FBXW7: variants seen among roughly 807,000 people sequenced by gnomAD.
FBXW7 encodes the protein F-box and WD repeat domain containing 7, also known as F-box/WD repeat-containing protein 7.
In FBXW7, 11 loss-of-function variants were observed where a neutral mutation model predicts 86.3. The ratio of observed to expected loss-of-function variants is 0.13; its 90% CI spans 0.08 to 0.21. The LOEUF (loss-of-function observed/expected upper bound fraction) is 0.21, where lower values mean the gene tolerates loss of function less well. Among genes scored for constraint, FBXW7 ranks in the 10% least tolerant of loss-of-function variants. The probability of loss-of-function intolerance (pLI) is 1.00; values close to 1 mark genes in which losing one functional copy is unlikely to be tolerated. For synonymous variants in FBXW7, 313 were observed against 297.9 expected, an observed-to-expected ratio of 1.05 and a Z score of -0.52; for missense variants, 488 against 847.4, an observed-to-expected ratio of 0.58 and a Z score of 5.27.
At chr4:152,410,821 TATTC>T (rs973067888) in intron 4 of FBXW7, among the ~76,000 whole-genome samples, 4 of 152,192 alleles carry the variant, frequency 2.6e-5, no homozygotes, top group Non-Finnish European at 5.9e-5. Flanking sequence ...TCTACATGAA[TATTC>T]ATTATTTCTA....
chr4:152,470,713 A>C (rs1743873934), intron 2 of FBXW7, among the ~76,000 whole-genome samples: 1 of 152,152 alleles, frequency 6.6e-6, no homozygotes, highest in Non-Finnish European at 1.5e-5. Context: ...TAGAATAAAA[A>C]GCACTAAATA....
chr4:152,529,067 T>C (rs1002738388), intron 2 of FBXW7, among the ~76,000 whole-genome samples: 2 of 152,048 alleles, frequency 1.3e-5, no homozygotes, highest in African/African-American at 4.8e-5. Flanking sequence ...GTAATGACAA[T>C]TCAGTTACAC....
rs1021976222 is a variant in FBXW7 at position 152,527,489 on chromosome 4, C to T, written c.-120+7452G>A. 5.3e-5 allele frequency among the ~76,000 whole-genome samples: 8 copies of T among 152,272 alleles called. No individual in the cohort carries two copies. In the South Asian group the frequency reaches 1.7e-3, roughly 32 times the overall value. On this transcript the variant is annotated intron_variant, in intron 2 of 13. Transcript: ENST00000281708. ...TGTTAAAAAATACACACACTCTGACCGGGCACTGTGGCCCCAGCCTGTAAT... is the reference window on the plus strand; with the variant it reads ...TGTTAAAAAATACACACACTCTGACTGGGCACTGTGGCCCCAGCCTGTAAT...
chr4:152,387,920 G>A (rs1042314573), intron 4 of FBXW7, among the ~76,000 whole-genome samples: 4 of 151,964 alleles, frequency 2.6e-5, no homozygotes, highest in Admixed American at 6.6e-5. Flanking sequence ...ATGTTGGCCA[G>A]GCTGGTCTCG....
chr4:152,432,988 G>C (rs1306270860), intron 2 of FBXW7, among the ~76,000 whole-genome samples: 3 of 152,036 alleles, frequency 2.0e-5, no homozygotes, highest in Non-Finnish European at 4.4e-5. Flanking sequence ...GACTCATGCT[G>C]CATTACTTTT....
chr4:152,425,068 A>G (rs573996187), intron 2 of FBXW7, among the ~76,000 whole-genome samples: 1 of 152,330 alleles, frequency 6.6e-6, no homozygotes, highest in Non-Finnish European at 1.5e-5. Context: ...CCAGTCAATG[A>G]CTAAATTTTG....
In FBXW7 at chr4:152,364,474, G is replaced by C. The variant is rs544548082; in HGVS notation, c.502-14350C>G. 2.6e-5 allele frequency among the ~76,000 whole-genome samples: 4 copies of C among 152,270 alleles called. No homozygotes were observed. In the South Asian group the frequency reaches 6.2e-4, roughly 24 times the overall value. ...AAAAGTTATGAATCATAATATTTAT[G>C]AAAGAAACTGCTTCAAATGTTCTTT... On this transcript the variant is annotated intron_variant, in intron 4 of 13. Coordinates refer to ENST00000281708, the MANE Select transcript of FBXW7 (RefSeq NM_001349798.2).
chr4:152,346,666 CAGTT>C (rs1391091673), intron 6 of FBXW7: 16 of 401,318 alleles, frequency 4.0e-5, no homozygotes, highest in Non-Finnish European at 7.2e-5. Flanking sequence ...TACCTACTGG[CAGTT>C]AGTCCTTCTC....
At chr4:152,381,075 T>C (rs1735019257) in intron 4 of FBXW7, among the ~76,000 whole-genome samples, 1 of 152,114 alleles carries the variant, frequency 6.6e-6, no homozygotes, top group Non-Finnish European at 1.5e-5. Context: ...ATGTTTAAAC[T>C]GTATTACATT....
chr4:152,536,070 G>T lies in FBXW7; in HGVS notation c.-1156C>A. The T allele has an allele frequency of 5.8e-6, 1 of 171,928 alleles. No individual in the cohort carries two copies. Among genetic ancestry groups the T allele is most frequent in the South Asian group, 1.2e-4 (1 of 8,408 alleles). The allele number at this position is 171,928 out of a possible 1,614,324, so 10.7% of individuals were successfully genotyped here. A position where few individuals can be genotyped will look rare whatever the true frequency, so the allele number is the denominator to read the frequency against. On this transcript the variant is annotated 5_prime_UTR_variant, in exon 1 of 14. Coordinates refer to ENST00000281708, the MANE Select transcript of FBXW7 (RefSeq NM_001349798.2). The stretch of plus-strand genomic sequence containing the variant: ...TCGCTGTCTCCCTCGCTCTGTGCGG[G>T]GCTCTCGCCTCACTCCAGAGAGAGG...
intron 2 of FBXW7, among the ~76,000 whole-genome samples, chr4:152,497,274 A>T (rs1319076770): frequency 7.2e-6 from 1 of 139,662 alleles, no homozygotes; most frequent in African/African-American, 2.7e-5. Context: ...GTGAGCCAAG[A>T]TCGCACCACT....
chr4:152,370,918 C>G (rs987329658), intron 4 of FBXW7, among the ~76,000 whole-genome samples: 3 of 150,982 alleles, frequency 2.0e-5, no homozygotes, highest in Non-Finnish European at 4.4e-5. Context: ...CAAAAGAAAA[C>G]TTTATTAATC....
chr4:152,480,685 G>C (rs2149668803), intron 2 of FBXW7, among the ~76,000 whole-genome samples: 1 of 152,302 alleles, frequency 6.6e-6, no homozygotes, highest in Non-Finnish European at 1.5e-5. Context: ...ATAGGAACAA[G>C]AAAGAGCCTT....
chr4:152,369,642 G>A (rs577770642), intron 4 of FBXW7, among the ~76,000 whole-genome samples: 2 of 151,898 alleles, frequency 1.3e-5, no homozygotes, highest in African/African-American at 4.8e-5. Flanking sequence ...AAGACTGTTC[G>A]GTAATCTCAG....
intron 5 of FBXW7, chr4:152,348,904 G>C (rs1263877768): frequency 6.1e-6 from 1 of 162,956 alleles, no homozygotes; most frequent in Non-Finnish European, 1.4e-5. Context: ...GTAACAGGAA[G>C]GGGGACAGTT....
chr4:152,406,465 C>G (rs1183111812), intron 4 of FBXW7, among the ~76,000 whole-genome samples: 1 of 152,048 alleles, frequency 6.6e-6, no homozygotes, highest in Non-Finnish European at 1.5e-5. Context: ...GAATGAGATA[C>G]AGTTTATCAC....
intron 4 of FBXW7, among the ~76,000 whole-genome samples, chr4:152,406,843 G>A (rs1215530003): frequency 1.3e-5 from 2 of 152,110 alleles, no homozygotes; most frequent in African/African-American, 4.8e-5. Flanking sequence ...ACACTAGAGG[G>A]TGATATGATG....
chr4:152,422,678 A>AAT lies in FBXW7; in HGVS notation c.-119-10151_-119-10150dup, dbSNP rs1739048601. Among the ~76,000 whole-genome samples the AAT allele has an allele frequency of 2.6e-5, 4 of 152,226 alleles. No individual in the cohort carries two copies. The South Asian group carries it at 8.3e-4, about 31-fold the overall frequency. On this transcript the variant is annotated intron_variant, in intron 2 of 13. Coordinates refer to ENST00000281708, the MANE Select transcript of FBXW7 (RefSeq NM_001349798.2). ...ACTTTATACCTTAGCATATTAAGAG[A>AAT]ATACATTCTTGTGACCACCACACAG...
rs546002570 is a variant in FBXW7, at chr4:152,321,136, T to C, written c.*1745A>G. The C allele has an allele frequency of 5.0e-6, 1 of 200,716 alleles. No homozygotes were observed. The highest frequency in any genetic ancestry group is 2.3e-5 in the African/African-American group (1 of 43,708). 12.4% of individuals were successfully genotyped at this position (200,716 alleles called of 1,614,324 possible). A position where few individuals can be genotyped will look rare whatever the true frequency, so the allele number is the denominator to read the frequency against. On this transcript the variant is annotated 3_prime_UTR_variant, in exon 14 of 14. Coordinates refer to ENST00000281708, the MANE Select transcript of FBXW7 (RefSeq NM_001349798.2). ...CGCGGTATAAAACAGGCTTGAAGTA[T>C]TGATTTCTATGTCACACAGCAGGAT... is the stretch of plus-strand genomic sequence containing the variant.
Sources: gnomAD v4.1 joint callset for allele counts (sites outside exome capture counted in the v4.1 genomes callset) on GRCh38, gnomAD v4.1.1 for gene constraint, MANE v1.5 for transcripts, NCBI Gene and HGNC (gene_info 2026-07-23, HGNC 2026-07-21) for gene names.